TBC1D5: variants seen among roughly 807,000 people sequenced by gnomAD.
TBC1D5 encodes TBC1 domain family, member 5.
In TBC1D5, 75 loss-of-function variants were observed where a neutral mutation model predicts 100.3. The observed-to-expected ratio is 0.75, with a 90% CI of 0.62 to 0.91. The LOEUF (loss-of-function observed/expected upper bound fraction) is 0.91, where lower values mean the gene tolerates loss of function less well. TBC1D5 is among the 40% of genes least tolerant of loss of function. The probability of loss-of-function intolerance (pLI) is 0.00; values close to 1 mark genes in which losing one functional copy is unlikely to be tolerated. For synonymous variants in TBC1D5, 323 were observed against 325.6 expected (o/e 0.99, Z 0.09); for missense variants, 910 against 942.4 (o/e 0.97, Z 0.45).
At chr3:17,721,778 C>T (rs1449026032) in intron 1 of TBC1D5, among the ~76,000 whole-genome samples, 1 of 151,942 alleles carries the variant, frequency 6.6e-6, no homozygotes, top group Non-Finnish European at 1.5e-5. Context: ...CTCGGGAGTT[C>T]AAGACCAGCC....
intron 17 of TBC1D5, among the ~76,000 whole-genome samples, chr3:17,221,900 C>T (rs1359852812): frequency 1.3e-5 from 2 of 152,278 alleles, no homozygotes; most frequent in African/African-American, 4.8e-5. Flanking sequence ...AACTTCTCTA[C>T]ATTTTCAACT....
At chr3:17,252,763 A>G (rs1251875410) in intron 16 of TBC1D5, among the ~76,000 whole-genome samples, 1 of 152,236 alleles carries the variant, frequency 6.6e-6, no homozygotes, top group Non-Finnish European at 1.5e-5. Context: ...GATTCTTCCA[A>G]TGACTATAAT....
chr3:17,328,199 G>A (rs2086408019), intron 13 of TBC1D5, among the ~76,000 whole-genome samples: 1 of 151,954 alleles, frequency 6.6e-6, no homozygotes, highest in East Asian at 1.9e-4. Context: ...GAGCATGGGA[G>A]GTTGAGGCCA....
intron 4 of TBC1D5, among the ~76,000 whole-genome samples, chr3:17,411,325 C>CA (rs2093918679): frequency 6.6e-6 from 1 of 151,698 alleles, no homozygotes; most frequent in Non-Finnish European, 1.5e-5. Flanking sequence ...TACTAGAAAA[C>CA]AAAAAATATC....
At chr3:17,354,176 A>G (rs1272823814) in intron 13 of TBC1D5, among the ~76,000 whole-genome samples, 1 of 152,146 alleles carries the variant, frequency 6.6e-6, no homozygotes, top group East Asian at 1.9e-4. Flanking sequence ...ACAAAAGGAT[A>G]TAAGAAAGCT....
intron 1 of TBC1D5, among the ~76,000 whole-genome samples, chr3:17,736,470 C>T (rs2076974258): frequency 6.6e-6 from 1 of 152,082 alleles, no homozygotes; most frequent in African/African-American, 2.4e-5. Context: ...ACTCTTGTTC[C>T]TCATGGAAGT....
chr3:17,426,487 C>T (rs2094338749), intron 4 of TBC1D5, among the ~76,000 whole-genome samples: 1 of 151,512 alleles, frequency 6.6e-6, no homozygotes, highest in African/African-American at 2.4e-5. Context: ...TACATTTTTA[C>T]ATACTGTATT....
At chr3:17,593,889 G>A (rs941020131) in intron 2 of TBC1D5, among the ~76,000 whole-genome samples, 5 of 152,090 alleles carry the variant, frequency 3.3e-5, no homozygotes, top group African/African-American at 4.8e-5. Context: ...GCTCTGAATC[G>A]GCGTCTAATA....
intron 1 of TBC1D5, among the ~76,000 whole-genome samples, chr3:17,729,308 G>GCTA (rs1340720782): frequency 6.6e-6 from 1 of 151,004 alleles, no homozygotes; most frequent in Non-Finnish European, 1.5e-5. Flanking sequence ...AATATGCTTA[G>GCTA]GGTACTATCA....
In TBC1D5 at chr3:17,677,736, G is replaced by A. The variant is rs150854404; in HGVS notation, c.-100-53823C>T. ...GCACTATTCACAATAGCAAAGACTTGGAACCAACCCAAATGTCCAACAATG... is the reference window on the plus strand; with the variant it reads ...GCACTATTCACAATAGCAAAGACTTAGAACCAACCCAAATGTCCAACAATG... On this transcript the variant is annotated intron_variant, in intron 1 of 21. Transcript: ENST00000253692. 7.0e-3 allele frequency among the ~76,000 whole-genome samples: 1,059 copies of A among 152,228 alleles called. 11 individuals carry two copies. The highest frequency in any genetic ancestry group is 0.023 in the African/African-American group (974 of 41,514).
chr3:17,467,260 T>A (rs1288968667), intron 3 of TBC1D5, among the ~76,000 whole-genome samples: 1 of 150,212 alleles, frequency 6.7e-6, no homozygotes, highest in Non-Finnish European at 1.5e-5. Context: ...GTCCACCTAA[T>A]TAGGGCCCAG....
rs546321006 is a variant in TBC1D5, at chr3:17,362,822, A to G, written c.995+9253T>C. ...TATTTTGAGATAATTGTACCTTCAC[A>G]TACAGTTGTAAGAAATAATACAAAG... On this transcript the variant is annotated intron_variant, in intron 13 of 21. Transcript: ENST00000253692. Among the ~76,000 whole-genome samples the G allele has an allele frequency of 2.0e-5, 3 of 152,280 alleles. No individual in the cohort carries two copies. The East Asian group carries it at 5.8e-4, about 29-fold the overall frequency.
chr3:17,699,735 A>G (rs1323342526), intron 1 of TBC1D5, among the ~76,000 whole-genome samples: 1 of 151,290 alleles, frequency 6.6e-6, no homozygotes, highest in Non-Finnish European at 1.5e-5. Flanking sequence ...TAATATTGTA[A>G]AAGTTAATAT....
chr3:17,612,069 G>A (rs1459501801), intron 2 of TBC1D5, among the ~76,000 whole-genome samples: 1 of 152,236 alleles, frequency 6.6e-6, no homozygotes, highest in East Asian at 1.9e-4. Flanking sequence ...GGGAGGCCAA[G>A]CGAGTAGACT....
intron 15 of TBC1D5, among the ~76,000 whole-genome samples, chr3:17,278,277 T>A (rs1467958267): frequency 6.6e-6 from 1 of 152,208 alleles, no homozygotes; most frequent in East Asian, 1.9e-4. Flanking sequence ...TAGCTGAGCA[T>A]CAGAATCACC....
At chr3:17,222,436 C>G (rs1422335853) in intron 17 of TBC1D5, among the ~76,000 whole-genome samples, 1 of 152,090 alleles carries the variant, frequency 6.6e-6, no homozygotes, top group African/African-American at 2.4e-5. Context: ...GGGAGGGTAG[C>G]AGGTCTGTTG....
intron 18 of TBC1D5, among the ~76,000 whole-genome samples, chr3:17,202,192 TAA>T (rs982468383): frequency 6.6e-6 from 1 of 152,218 alleles, no homozygotes; most frequent in African/African-American, 2.4e-5. Context: ...TATGCATTAG[TAA>T]AGAGACTGGT....
At chr3:17,437,644 G>A (rs2094561188) in intron 3 of TBC1D5, among the ~76,000 whole-genome samples, 1 of 135,204 alleles carries the variant, frequency 7.4e-6, no homozygotes. Context: ...GAGAGAGAGA[G>A]GAAGGGAGGG....
intron 14 of TBC1D5, among the ~76,000 whole-genome samples, chr3:17,296,050 T>C (rs1294252643): frequency 1.3e-5 from 2 of 152,166 alleles, no homozygotes; most frequent in African/African-American, 4.8e-5. Flanking sequence ...TCCTACATTC[T>C]TAGCAAGTTC....
Sources: gnomAD v4.1 joint callset for allele counts (sites outside exome capture counted in the v4.1 genomes callset) on GRCh38, gnomAD v4.1.1 for gene constraint, MANE v1.5 for transcripts, NCBI Gene and HGNC (gene_info 2026-07-23, HGNC 2026-07-21) for gene names.